The following DPP8 variants were observed in gnomAD, a reference collection of about 807,000 sequenced individuals.
DPP8 encodes DPP VIII.
In DPP8, 31 loss-of-function variants were observed where a neutral mutation model predicts 107.5. The observed-to-expected ratio is 0.29, with a 90% CI of 0.22 to 0.39. The LOEUF (loss-of-function observed/expected upper bound fraction) is 0.39, where lower values mean the gene tolerates loss of function less well. Ranked by LOEUF, DPP8 falls within the 10% of genes least tolerant of loss-of-function variation. DPP8 has a pLI of 1.00. For missense variants in DPP8, 842 were observed against 1,076.1 expected (o/e 0.78, Z 3.04); for synonymous variants, 381 against 356.6 (o/e 1.07, Z -0.77).
chr15:65,480,731 G>A (rs771549016), intron 9 of DPP8, among the ~76,000 whole-genome samples: 6 of 152,022 alleles, frequency 3.9e-5, no homozygotes, highest in Non-Finnish European at 8.8e-5. Flanking sequence ...CCAGGATTTC[G>A]AGCTTACAGT....
At chr15:65,450,622 A>C (rs2063907763) in intron 19 of DPP8, 1 of 155,450 alleles carries the variant, frequency 6.4e-6, no homozygotes, top group African/African-American at 2.4e-5. Flanking sequence ...AGAAAATCAA[A>C]AGACCATATA....
chr15:65,474,192 A>T lies in DPP8; in HGVS notation c.1536+17T>A. The T allele has an allele frequency of 6.4e-7, 1 of 1,563,614 alleles. No homozygotes were observed. The highest frequency in any genetic ancestry group is 8.8e-7 in the Non-Finnish European group (1 of 1,134,238). ...AGTAATACTGACCAAACATATCAGT[A>T]GAATAAAATAACATACATTAGATCC... is the stretch of plus-strand genomic sequence containing the variant. On this transcript the variant is annotated intron_variant, in intron 12 of 19. Transcript: ENST00000300141.
intron 9 of DPP8, 121 bp downstream of exon 9, chr15:65,481,394 A>G (rs1188263552): frequency 1.0e-5 from 7 of 702,986 alleles, no homozygotes; most frequent in Non-Finnish European, 1.7e-5. Context: ...TGTAGTAATA[A>G]CTGTACTGCA....
rs200291174 is a variant in DPP8 at position 65,454,465 on chromosome 15, G to A, written c.2119-50C>T. ...ACTGATTCTGATGAATAAAAGTCTC[G>A]TAAGAGTGCTTTCAAAGATGATAAA... On this transcript the variant is annotated intron_variant, in intron 16 of 19. Transcript: ENST00000300141. 1,965 of 1,472,532 alleles carry A rather than the reference G, an allele frequency of 1.3e-3. 36 individuals carry two copies. In the South Asian group the frequency reaches 0.021, roughly 16 times the overall value. 91.2% of individuals were successfully genotyped at this position (1,472,532 alleles called of 1,614,324 possible).
chr15:65,458,329 C>G (rs548966505), intron 15 of DPP8, among the ~76,000 whole-genome samples: 1 of 152,138 alleles, frequency 6.6e-6, no homozygotes, highest in African/African-American at 2.4e-5. Context: ...GGCGTGATCT[C>G]GGCCCACTGC....
chr15:65,482,639 G>C (rs753221791), intron 8 of DPP8, among the ~76,000 whole-genome samples: 3 of 152,054 alleles, frequency 2.0e-5, no homozygotes, highest in Non-Finnish European at 4.4e-5. Context: ...TAAAAGTCTA[G>C]TAAACACAAT....
intron 4 of DPP8, among the ~76,000 whole-genome samples, chr15:65,499,941 A>G (rs1260395013): frequency 1.3e-5 from 2 of 152,006 alleles, no homozygotes; most frequent in African/African-American, 4.8e-5. Context: ...TCTGTCATCT[A>G]GGCTGGACTG....
rs542314824 is a variant in DPP8, at chr15:65,494,149, C to CTTTTTTTTT, written c.715+3706_715+3714dup. 4.2e-4 allele frequency among the ~76,000 whole-genome samples: 52 copies of CTTTTTTTTT among 123,216 alleles called. 4 individuals are homozygous for CTTTTTTTTT. The highest frequency in any genetic ancestry group is 5.1e-4 in the Non-Finnish European group (32 of 63,318). The allele number at this position is 123,216 out of a possible 152,430, so 80.8% of individuals were successfully genotyped here. On this transcript the variant is annotated intron_variant, in intron 5 of 19. Transcript: ENST00000300141. ...TTGAAATTCAAACCGGTTCTATATC[C>CTTTTTTTTT]TTTTTTTTTTTTTTAGAGACAGGGT...
chr15:65,479,616 G>A lies in DPP8; in HGVS notation c.1297-577C>T, dbSNP rs371922636. Among the ~76,000 whole-genome samples the A allele has an allele frequency of 2.4e-3, 357 of 151,660 alleles. 2 individuals carry two copies. In the South Asian group the frequency reaches 0.025, roughly 11 times the overall value. The stretch of plus-strand genomic sequence containing the variant: ...TCCCAGCACTTTGGGAGGCCGAGGC[G>A]GGTGGATCATGAGGTCAGGAGATCG... On this transcript the variant is annotated intron_variant, in intron 10 of 19. Transcript: ENST00000300141.
At chr15:65,498,783 C>T (rs1011683667) in intron 4 of DPP8, among the ~76,000 whole-genome samples, 12 of 152,030 alleles carry the variant, frequency 7.9e-5, no homozygotes, top group Admixed American at 5.9e-4. Context: ...TAATCAATTG[C>T]CTAGGATAAA....
intron 1 of DPP8, among the ~76,000 whole-genome samples, chr15:65,513,931 A>C (rs2071117675): frequency 6.6e-6 from 1 of 152,234 alleles, no homozygotes; most frequent in African/African-American, 2.4e-5. Context: ...TTTTTGAACT[A>C]ATAAATGTCA....
At chr15:65,512,193 C>G (rs905148065) in intron 2 of DPP8, 102 bp downstream of exon 2, 4 of 1,180,700 alleles carry the variant, frequency 3.4e-6, no homozygotes, top group Non-Finnish European at 4.9e-6. Flanking sequence ...CCAAAAGTCA[C>G]TGATTAATTT....
intron 4 of DPP8, among the ~76,000 whole-genome samples, chr15:65,498,888 TA>T (rs778078564): frequency 6.6e-6 from 1 of 151,762 alleles, no homozygotes. Flanking sequence ...CCCTCACCTC[TA>T]AAAAAAATTT....
intron 14 of DPP8, among the ~76,000 whole-genome samples, chr15:65,465,514 A>T (rs1249674005): frequency 6.6e-6 from 1 of 151,618 alleles, no homozygotes; most frequent in Non-Finnish European, 1.5e-5. Flanking sequence ...TGAAAATACT[A>T]GAAAAAAAGA....
intron 3 of DPP8, 92 bp from the exon 4 acceptor site, chr15:65,500,871 C>CTA: frequency 7.3e-6 from 4 of 544,862 alleles, no homozygotes; most frequent in Non-Finnish European, 9.0e-6. Context: ...ACATTATTGA[C>CTA]TCTTTTTTTT....
rs183964152 is a variant in DPP8, at chr15:65,467,997, G to A, written c.1537-774C>T. ...TTTATCTATTGGGTTGTGGAATAAC[G>A]GAACTAAATCAGTTTCAATACTGGT... is the stretch of plus-strand genomic sequence containing the variant. On this transcript the variant is annotated intron_variant, in intron 12 of 19. Transcript: ENST00000300141. 1.1e-3 allele frequency among the ~76,000 whole-genome samples: 160 copies of A among 152,044 alleles called. No individual in the cohort carries two copies. The Middle Eastern group carries it at 0.02, about 19-fold the overall frequency.
intron 19 of DPP8, among the ~76,000 whole-genome samples, chr15:65,447,465 A>G (rs2140293747): frequency 6.6e-6 from 1 of 152,350 alleles, no homozygotes; most frequent in Non-Finnish European, 1.5e-5. Flanking sequence ...ACACACTTCC[A>G]ATAAAAAAGA....
intron 11 of DPP8, among the ~76,000 whole-genome samples, chr15:65,476,452 A>C (rs959576649): frequency 6.6e-6 from 1 of 152,218 alleles, no homozygotes; most frequent in African/African-American, 2.4e-5. Flanking sequence ...AAGGTAAAGG[A>C]GGATGACTTG....
At chr15:65,485,560 A>G (rs548223621) in intron 7 of DPP8, among the ~76,000 whole-genome samples, 31 of 151,350 alleles carry the variant, frequency 2.0e-4, no homozygotes, top group Non-Finnish European at 3.2e-4. Context: ...AAAAAAAAAA[A>G]AAAAGAAAAG....
Sources: allele counts gnomAD v4.1 joint callset (sites outside exome capture counted in the v4.1 genomes callset), GRCh38; gene constraint gnomAD v4.1.1; transcripts MANE v1.5; gene names NCBI Gene and HGNC (gene_info 2026-07-23, HGNC 2026-07-21).